Variants in UGGT2 observed in about 807,000 individuals in gnomAD.
UGGT2 encodes the protein UDP-glucose glycoprotein glucosyltransferase 2.
Under a neutral mutation model 192.1 loss-of-function variants are expected in UGGT2, and 180 were observed. That is an observed-to-expected ratio of 0.94 (90% CI 0.83 to 1.06). The LOEUF is 1.06. Among genes scored for constraint, UGGT2 ranks in the 50% least tolerant of loss-of-function variants. The pLI, the probability that UGGT2 is intolerant of heterozygous loss-of-function variation, is 0.00. For synonymous variants in UGGT2, 580 were observed against 591.0 expected, an observed-to-expected ratio of 0.98 and a Z score of 0.27; for missense variants, 1,849 against 1,795.7, an observed-to-expected ratio of 1.03 and a Z score of -0.54.
intron 38 of UGGT2, among the ~76,000 whole-genome samples, chr13:95,806,501 T>C (rs913444513): frequency 2.6e-5 from 4 of 152,158 alleles, no homozygotes; most frequent in Non-Finnish European, 5.9e-5. Context: ...GATCTACATA[T>C]CTGATGCAAT....
rs144167293 is a variant in UGGT2, at chr13:95,980,670, G to A, written c.1092+3134C>T. Among the ~76,000 whole-genome samples, 334 of 152,260 alleles carry A rather than the reference G, an allele frequency of 2.2e-3. 7 individuals carry two copies. In the East Asian group the frequency reaches 0.023, roughly 10 times the overall value. Reference sequence around the variant, plus strand: ...CTTGGTTTTTAACTAAAGCCTTTGCGCCCTCTAGTGGGAAGATGGAGCAGC... The same window carrying A: ...CTTGGTTTTTAACTAAAGCCTTTGCACCCTCTAGTGGGAAGATGGAGCAGC... On this transcript the variant is annotated intron_variant, in intron 10 of 38. Coordinates refer to ENST00000376747, the MANE Select transcript of UGGT2 (RefSeq NM_020121.4).
At chr13:95,803,703 G>A (rs1884172326) in intron 38 of UGGT2, among the ~76,000 whole-genome samples, 1 of 152,122 alleles carries the variant, frequency 6.6e-6, no homozygotes, top group South Asian at 2.1e-4. Flanking sequence ...CCGTGGGTTA[G>A]TTAGTAATTA....
Position 95,973,031 on chromosome 13 carries a change from G to A in UGGT2, c.1093-360C>T, listed in dbSNP as rs1191556693. ...ACTAAACACAAAAAATTAGCTGGGC[G>A]TGGTGGCACATGCCCGTAATCCCAG... On this transcript the variant is annotated intron_variant, in intron 10 of 38. Coordinates refer to ENST00000376747, the MANE Select transcript of UGGT2 (RefSeq NM_020121.4). Among the ~76,000 whole-genome samples, 7 of 152,210 alleles carry A rather than the reference G, an allele frequency of 4.6e-5. No homozygotes were observed. The East Asian group carries it at 7.7e-4, about 17-fold the overall frequency.
In UGGT2 at chr13:95,947,158, A is replaced by T. The variant is rs1566740770; in HGVS notation, c.1556T>A (p.Phe519Tyr). Reference protein sequence around the residue: ...HEVPLRIGFVFILNTDDEVDG... With the variant: ...HEVPLRIGFVYILNTDDEVDG... ...AACTTCATCATCTGTATTAAGAATGAACACAAAACCAATTCTGGAAAAAGA... is the reference window on the plus strand; with the variant it reads ...AACTTCATCATCTGTATTAAGAATGTACACAAAACCAATTCTGGAAAAAGA... Residue 519 changes from phenylalanine (F) to tyrosine (Y), a missense_variant, in exon 15 of 39, where the codon TTC becomes TAC. Transcript: ENST00000376747. The T allele has an allele frequency of 6.2e-7, 1 of 1,600,296 alleles. No individual in the cohort carries two copies. The highest frequency in any genetic ancestry group is 2.2e-5 in the East Asian group (1 of 44,648).
At chr13:96,005,067 C>G (rs1030515250) in intron 5 of UGGT2, among the ~76,000 whole-genome samples, 2 of 152,046 alleles carry the variant, frequency 1.3e-5, no homozygotes, top group Admixed American at 6.6e-5. Flanking sequence ...AGTTTTATTA[C>G]TTCAATTAAA....
chr13:95,805,742 A>G (rs1253864170), intron 38 of UGGT2, among the ~76,000 whole-genome samples: 1 of 152,150 alleles, frequency 6.6e-6, no homozygotes, highest in Non-Finnish European at 1.5e-5. Flanking sequence ...AAATTCACAG[A>G]GTAGAATGAT....
At chr13:96,020,813 T>G (rs1000231570) in intron 4 of UGGT2, among the ~76,000 whole-genome samples, 2 of 152,212 alleles carry the variant, frequency 1.3e-5, no homozygotes, top group African/African-American at 4.8e-5. Flanking sequence ...TACCAAGAAC[T>G]GTAAAAGTCT....
chr13:96,051,373 A>C (rs1466154983), intron 1 of UGGT2, among the ~76,000 whole-genome samples: 1 of 152,188 alleles, frequency 6.6e-6, no homozygotes, highest in Non-Finnish European at 1.5e-5. Flanking sequence ...AGATACACCT[A>C]ATGTAAATGA....
At chr13:95,951,231 T>C (rs2140628718) in intron 12 of UGGT2, among the ~76,000 whole-genome samples, 1 of 151,870 alleles carries the variant, frequency 6.6e-6, no homozygotes, top group South Asian at 2.1e-4. Context: ...AGATAAAAAT[T>C]ACAAAAAGAA....
intron 15 of UGGT2, among the ~76,000 whole-genome samples, chr13:95,945,235 A>C (rs918694152): frequency 3.9e-5 from 6 of 152,172 alleles, no homozygotes; most frequent in African/African-American, 1.2e-4. Context: ...TTCTCTCTTT[A>C]TAGTGCTAAA....
intron 20 of UGGT2, among the ~76,000 whole-genome samples, chr13:95,912,782 C>CA (rs2048546030): frequency 6.6e-6 from 1 of 152,142 alleles, no homozygotes; most frequent in South Asian, 2.1e-4. Context: ...ATTGCCAAGA[C>CA]AATCCTAAGC....
Position 95,884,546 on chromosome 13 carries a change from C to G in UGGT2, c.3173G>C (p.Trp1058Ser), listed in dbSNP as rs748302470. Reference protein sequence around the residue: ...LILNMITPEGWLVETVHSNCD... With the variant: ...LILNMITPEGSLVETVHSNCD... ...GTTGCTGTGCACTGTTTCAACCAAC[C>G]AGCCTTCTGGAGTAATCATGTTGAG... is the stretch of plus-strand genomic sequence containing the variant. The change falls in exon 27 of 39, where the codon TGG (tryptophan) becomes TCG (serine). Residue 1058 changes from tryptophan (W) to serine (S), a missense_variant. Transcript: ENST00000376747. 6.2e-7 allele frequency: 1 copy of G among 1,613,756 alleles called. No homozygotes were observed. Among genetic ancestry groups the G allele is most frequent in the Non-Finnish European group, 8.5e-7 (1 of 1,179,868 alleles).
At chr13:95,848,318 AATT>A (rs1888684500) in intron 36 of UGGT2, among the ~76,000 whole-genome samples, 1 of 152,236 alleles carries the variant, frequency 6.6e-6, no homozygotes, top group African/African-American at 2.4e-5. Context: ...CCAGCTTATC[AATT>A]ATTACTTCAC....
intron 12 of UGGT2, among the ~76,000 whole-genome samples, chr13:95,958,650 C>T (rs2050288989): frequency 1.4e-5 from 2 of 147,038 alleles, no homozygotes; most frequent in South Asian, 2.1e-4. Context: ...GATGTATCTG[C>T]TACTTGCCTC....
chr13:95,936,818 G>A, intron 17 of UGGT2, 106 bp downstream of exon 17: 1 of 1,101,258 alleles, frequency 9.1e-7, no homozygotes, highest in Non-Finnish European at 1.2e-6. Flanking sequence ...GAAATGATCA[G>A]AATGGAAATT....
At chr13:95,960,456 CAA>C (rs3083031) in intron 12 of UGGT2, among the ~76,000 whole-genome samples, 4,199 of 152,062 alleles carry the variant, frequency 0.028, 98 homozygotes, top group Non-Finnish European at 0.039. Context: ...CAAGTAGAAT[CAA>C]GAATCTCAGA....
intron 20 of UGGT2, among the ~76,000 whole-genome samples, chr13:95,911,508 A>C (rs1267346182): frequency 6.6e-6 from 1 of 152,230 alleles, no homozygotes; most frequent in Non-Finnish European, 1.5e-5. Context: ...ATTCCTGGAC[A>C]CATACACCCT....
intron 1 of UGGT2, among the ~76,000 whole-genome samples, chr13:96,050,545 C>T (rs2053454256): frequency 6.6e-6 from 1 of 152,186 alleles, no homozygotes; most frequent in Admixed American, 6.5e-5. Flanking sequence ...GAACAGGCAA[C>T]CTACAGAATG....
intron 1 of UGGT2, among the ~76,000 whole-genome samples, chr13:96,041,901 C>T (rs1263383711): frequency 6.6e-6 from 1 of 152,040 alleles, no homozygotes; most frequent in Non-Finnish European, 1.5e-5. Context: ...CCAGACATGC[C>T]CTAGAAATGC....
Sources: gnomAD v4.1 joint callset for allele counts (sites outside exome capture counted in the v4.1 genomes callset) on GRCh38, gnomAD v4.1.1 for gene constraint, MANE v1.5 for transcripts, NCBI Gene and HGNC (gene_info 2026-07-23, HGNC 2026-07-21) for gene names.